HSD3B2: variants seen among roughly 807,000 people sequenced by gnomAD.
HSD3B2 encodes the protein 3 beta-hydroxysteroid dehydrogenase/Delta 5-->4-isomerase type 2.
HSD3B2 carries 8 observed loss-of-function variants against 9.9 expected under a neutral mutation model. The ratio of observed to expected loss-of-function variants is 0.81; its 90% CI spans 0.47 to 1.46. The LOEUF (loss-of-function observed/expected upper bound fraction) is 1.46, where lower values mean the gene tolerates loss of function less well. HSD3B2 is among the 40% of genes most tolerant of loss of function. HSD3B2 has a pLI of 0.00. For missense variants in HSD3B2, 410 were observed against 448.3 expected, an observed-to-expected ratio of 0.91 and a Z score of 0.77; for synonymous variants, 221 against 184.5, an observed-to-expected ratio of 1.20 and a Z score of -1.60.
intron 3 of HSD3B2, among the ~76,000 whole-genome samples, chr1:119,421,500 T>C (rs1651873291): frequency 1.2e-5 from 1 of 85,664 alleles, no homozygotes; most frequent in Admixed American, 1.2e-4. Context: ...TTATAATATA[T>C]ATATATATAT....
chr1:119,417,332 A>G (rs760749661), intron 2 of HSD3B2: 3 of 151,892 alleles, frequency 2.0e-5, no homozygotes, highest in Non-Finnish European at 2.9e-5. Context: ...GGGAGCTAAG[A>G]CTCCATCAAA....
Position 119,415,479 on chromosome 1 carries a change from C to T in HSD3B2, c.60C>T (p.Arg20=), listed in dbSNP as rs769828729. 6.2e-7 allele frequency: 1 copy of T among 1,613,884 alleles called. No individual in the cohort carries two copies. The highest frequency in any genetic ancestry group is 2.2e-5 in the East Asian group (1 of 44,848). The change falls in exon 2 of 4, where the codon CGC becomes CGT. Residue 20 remains arginine, a synonymous_variant. Coordinates refer to ENST00000369416, the MANE Select transcript of HSD3B2 (RefSeq NM_000198.4). ...GGCTTCTGGGTCAGAGGATCGTCCGCCTGTTGGTGGAAGAGAAGGAACTGA... is the reference window on the plus strand; with the variant it reads ...GGCTTCTGGGTCAGAGGATCGTCCGTCTGTTGGTGGAAGAGAAGGAACTGA... ...AGGLLGQRIV[R]LLVEEKELKE...
chr1:119,414,982 T>A (rs1651664744), upstream of HSD3B2: 1 of 219,938 alleles, frequency 4.5e-6, no homozygotes, highest in African/African-American at 2.3e-5. Flanking sequence ...ATTGGATTTC[T>A]CTTCCTGTTC....
chr1:119,415,053 A>C, upstream of HSD3B2: 1 of 322,504 alleles, frequency 3.1e-6, no homozygotes, highest in South Asian at 3.0e-5. Flanking sequence ...GGGATTCTGG[A>C]GGAGGAGGGA....
intron 3 of HSD3B2, among the ~76,000 whole-genome samples, chr1:119,420,224 G>A (rs147984842): frequency 4.5e-4 from 68 of 152,218 alleles, no homozygotes; most frequent in African/African-American, 1.3e-3. Flanking sequence ...TTCCTGCCAG[G>A]TGCCCAAAGT....
In HSD3B2 at chr1:119,415,333, C is replaced by A; in HGVS notation, c.-87C>A. On this transcript the variant is annotated splice_region_variant and 5_prime_UTR_variant, in exon 2 of 4. Coordinates refer to ENST00000369416, the MANE Select transcript of HSD3B2 (RefSeq NM_000198.4). ...ACCATTTTACCTCTTGTTTTTAGCC[C>A]TCTTCTGGGTCACGCTAGAATCAGA... 4 of 1,428,196 alleles carry A rather than the reference C, an allele frequency of 2.8e-6. No homozygotes were observed. Among genetic ancestry groups the A allele is most frequent in the Non-Finnish European group, 3.9e-6 (4 of 1,013,492 alleles). The allele number at this position is 1,428,196 out of a possible 1,614,324, so 88.5% of individuals were successfully genotyped here. A position where few individuals can be genotyped will look rare whatever the true frequency, so the allele number is the denominator to read the frequency against.
Position 119,422,348 on chromosome 1 carries a change from T to C in HSD3B2, c.847T>C (p.Trp283Arg). 1 of 1,614,176 alleles carries C rather than the reference T, an allele frequency of 6.2e-7. No individual in the cohort carries two copies. The change falls in exon 4 of 4, where the codon TGG (tryptophan) becomes CGG (arginine). Residue 283 changes from tryptophan to arginine, a missense_variant. Trp to Arg is a moderately radical substitution (Grantham distance 101). Coordinates refer to ENST00000369416, the MANE Select transcript of HSD3B2 (RefSeq NM_000198.4). Reference sequence around the variant, plus strand: ...GTTTGGCCTCCGCCTTGATTCCAGATGGAGCCTTCCTTTAACCCTGATGTA... The same window carrying C: ...GTTTGGCCTCCGCCTTGATTCCAGACGGAGCCTTCCTTTAACCCTGATGTA... ...KEFGLRLDSRWSLPLTLMYWI... is the reference protein window; with the variant it reads ...KEFGLRLDSRRSLPLTLMYWI...
intron 3 of HSD3B2, among the ~76,000 whole-genome samples, chr1:119,421,321 C>T (rs927639025): frequency 6.7e-6 from 1 of 148,244 alleles, no homozygotes; most frequent in Non-Finnish European, 1.5e-5. Flanking sequence ...AATATCCTTA[C>T]TTGGCAAAAA....
At chr1:119,416,226 T>G (rs985264028) in intron 2 of HSD3B2, among the ~76,000 whole-genome samples, 1 of 152,044 alleles carries the variant, frequency 6.6e-6, no homozygotes, top group African/African-American at 2.4e-5. Context: ...AAAGAGAGCA[T>G]GCACAAGTGC....
Position 119,420,611 on chromosome 1 carries a change from G to A in HSD3B2, c.307+1029G>A, listed in dbSNP as rs587749966. ...GTTTCTTAAAACCATTATCACTCCCGGGCTTAGAAAATACTTCACAATGAT... is the reference window on the plus strand; with the variant it reads ...GTTTCTTAAAACCATTATCACTCCCAGGCTTAGAAAATACTTCACAATGAT... On this transcript the variant is annotated intron_variant, in intron 3 of 3. Transcript: ENST00000369416. Among the ~76,000 whole-genome samples, 24 of 152,248 alleles carry A rather than the reference G, an allele frequency of 1.6e-4. No homozygotes were observed. In the South Asian group the frequency reaches 4.8e-3, roughly 30 times the overall value.
At position 119,421,518 on chromosome 1, in the gene HSD3B2, C is replaced by T. The variant is rs952241608; in HGVS notation, c.308-291C>T. Among the ~76,000 whole-genome samples, 10 of 139,608 alleles carry T rather than the reference C, an allele frequency of 7.2e-5. 1 individual carries two copies. The highest frequency in any genetic ancestry group is 2.9e-4 in the Admixed American group (4 of 13,654). The allele number at this position is 139,608 out of a possible 152,430, so 91.6% of individuals were successfully genotyped here. A position where few individuals can be genotyped will look rare whatever the true frequency, so the allele number is the denominator to read the frequency against. ...TAATATATATATATATATACACACA[C>T]GTATACATACACACACACACACACA... On this transcript the variant is annotated intron_variant, in intron 3 of 3. Coordinates refer to ENST00000369416, the MANE Select transcript of HSD3B2 (RefSeq NM_000198.4).
At chr1:119,419,854 C>T in intron 3 of HSD3B2, 4 of 438,206 alleles carry the variant, frequency 9.1e-6, no homozygotes. Context: ...TCCTGTGTGA[C>T]TCCAAAGGCT....
chr1:119,422,932 A>C lies in HSD3B2; in HGVS notation c.*312A>C, dbSNP rs1651937213. The C allele has an allele frequency of 2.0e-6, 1 of 489,724 alleles. No homozygotes were observed. The allele number at this position is 489,724 out of a possible 1,614,324, so 30.3% of individuals were successfully genotyped here. On this transcript the variant is annotated 3_prime_UTR_variant, in exon 4 of 4. Coordinates refer to ENST00000369416, the MANE Select transcript of HSD3B2 (RefSeq NM_000198.4). ...GTTCTCTTTTGACTAATAGAGCTCC[A>C]TTTCCCCTCTTAAATGAGAAAGCAT... is the stretch of plus-strand genomic sequence containing the variant.
chr1:119,415,583 G>C, intron 2 of HSD3B2, 22 bp downstream of exon 2: 2 of 1,612,986 alleles, frequency 1.2e-6, no homozygotes, highest in Non-Finnish European at 1.7e-6. Context: ...TGAGTCATGG[G>C]TCTGTGGCTC....
At chr1:119,417,934 C>A (rs1651754867) in intron 2 of HSD3B2, among the ~76,000 whole-genome samples, 2 of 152,218 alleles carry the variant, frequency 1.3e-5, no homozygotes, top group Non-Finnish European at 1.5e-5. Flanking sequence ...AGTTTCCTCA[C>A]CAATAAAGTG....
intron 3 of HSD3B2, chr1:119,420,020 G>T: frequency 3.9e-6 from 1 of 255,050 alleles, no homozygotes; most frequent in South Asian, 5.3e-5. Flanking sequence ...AGGCTGATGA[G>T]AACATTCAGA....
At chr1:119,417,983 G>A (rs963865410) in intron 2 of HSD3B2, among the ~76,000 whole-genome samples, 18 of 152,110 alleles carry the variant, frequency 1.2e-4, no homozygotes, top group Non-Finnish European at 2.5e-4. Flanking sequence ...GCTGTAAAAG[G>A]AAATAAGCAA....
At chr1:119,421,439 A>G (rs1323493612) in intron 3 of HSD3B2, among the ~76,000 whole-genome samples, 5 of 24,412 alleles carry the variant, frequency 2.0e-4, no homozygotes, top group African/African-American at 1.4e-3. Context: ...ATATATATAT[A>G]TGTATATATA....
rs781632641 is a variant in HSD3B2, at chr1:119,415,370, G to T, written c.-50G>T. 1 of 1,604,554 alleles carries T rather than the reference G, an allele frequency of 6.2e-7. No homozygotes were observed. Among genetic ancestry groups the T allele is most frequent in the East Asian group, 2.2e-5 (1 of 44,724 alleles). ...ACGCTAGAATCAGATCTGCTCTCCA[G>T]CATCTTCTGTTTCCTGGCAAGTGTT... is the stretch of plus-strand genomic sequence containing the variant. On this transcript the variant is annotated 5_prime_UTR_variant, in exon 2 of 4. Coordinates refer to ENST00000369416, the MANE Select transcript of HSD3B2 (RefSeq NM_000198.4).
Sources: gnomAD v4.1 joint callset for allele counts (sites outside exome capture counted in the v4.1 genomes callset) on GRCh38, gnomAD v4.1.1 for gene constraint, MANE v1.5 for transcripts, NCBI Gene and HGNC (gene_info 2026-07-23, HGNC 2026-07-21) for gene names.